Variants in AGBL4 observed in about 807,000 individuals in gnomAD.
The protein encoded by AGBL4 is AGBL carboxypeptidase 4.
AGBL4 carries 58 observed loss-of-function variants against 66.4 expected under a neutral mutation model. That is an observed-to-expected ratio of 0.87 (90% confidence interval 0.71 to 1.09). AGBL4 has a LOEUF of 1.09. Ranked by LOEUF, AGBL4 falls within the 50% of genes least tolerant of loss-of-function variation. The pLI, the probability that AGBL4 is intolerant of heterozygous loss-of-function variation, is 0.00. For synonymous variants in AGBL4, 234 were observed against 222.9 expected (o/e 1.05, Z -0.44); for missense variants, 579 against 631.0 (o/e 0.92, Z 0.88).
chr1:48,781,177 G>A (rs1482775271), intron 6 of AGBL4, among the ~76,000 whole-genome samples: 1 of 152,182 alleles, frequency 6.6e-6, no homozygotes, highest in Non-Finnish European at 1.5e-5. Context: ...AACCCAGAAA[G>A]AGGAAAAGAA....
intron 1 of AGBL4, among the ~76,000 whole-genome samples, chr1:49,937,689 T>C (rs1236970620): frequency 6.6e-6 from 1 of 152,096 alleles, no homozygotes; most frequent in East Asian, 1.9e-4. Flanking sequence ...AAGAATCTCA[T>C]TCAAAACAGC....
At position 49,123,222 on chromosome 1, in the gene AGBL4, T is replaced by A. The variant is rs560286641; in HGVS notation, c.378-77422A>T. Among the ~76,000 whole-genome samples the A allele has an allele frequency of 1.1e-4, 16 of 152,310 alleles. No homozygotes were observed. The South Asian group carries it at 2.5e-3, about 24-fold the overall frequency. On this transcript the variant is annotated intron_variant, in intron 4 of 13. Transcript: ENST00000371839. Reference sequence around the variant, plus strand: ...ATCGTATTATTTGATCTTTACAATATCCATTTGAGGCTATTATTACCTCTA... The same window carrying A: ...ATCGTATTATTTGATCTTTACAATAACCATTTGAGGCTATTATTACCTCTA...
chr1:49,968,203 A>G (rs1657736821), intron 1 of AGBL4, among the ~76,000 whole-genome samples: 1 of 146,580 alleles, frequency 6.8e-6, no homozygotes, highest in African/African-American at 2.5e-5. Context: ...GGCCTGGGCA[A>G]AAAGAGGGAG....
chr1:48,590,427 T>G (rs867024457), intron 10 of AGBL4, among the ~76,000 whole-genome samples: 2 of 121,732 alleles, frequency 1.6e-5, no homozygotes, highest in South Asian at 2.9e-4. Flanking sequence ...AAAAAAAAAT[T>G]AGCCAGTAGC....
intron 5 of AGBL4, among the ~76,000 whole-genome samples, chr1:48,952,154 T>C (rs1327361656): frequency 6.6e-6 from 1 of 152,228 alleles, no homozygotes; most frequent in African/African-American, 2.4e-5. Flanking sequence ...AAGTGCACAA[T>C]GTCTCCAGAA....
intron 3 of AGBL4, among the ~76,000 whole-genome samples, chr1:49,601,472 C>A (rs1571147963): frequency 6.6e-6 from 1 of 151,966 alleles, no homozygotes; most frequent in African/African-American, 2.4e-5. Flanking sequence ...GCTACAGTAA[C>A]CCAAACAGCA....
intron 1 of AGBL4, among the ~76,000 whole-genome samples, chr1:49,868,398 C>T (rs1052060274): frequency 6.6e-6 from 1 of 152,232 alleles, no homozygotes; most frequent in East Asian, 1.9e-4. Context: ...CTAAAGTAAC[C>T]AAAACAGTAT....
chr1:48,949,954 AC>A (rs1409619553), intron 5 of AGBL4, among the ~76,000 whole-genome samples: 1 of 152,112 alleles, frequency 6.6e-6, no homozygotes, highest in Non-Finnish European at 1.5e-5. Context: ...ATAGGTCTGA[AC>A]CTATAGGCAG....
intron 9 of AGBL4, among the ~76,000 whole-genome samples, chr1:48,632,778 G>A (rs1645612703): frequency 1.3e-5 from 2 of 152,212 alleles, no homozygotes; most frequent in South Asian, 2.1e-4. Flanking sequence ...TGTTCTCTTT[G>A]AGAAGGAAGT....
intron 6 of AGBL4, among the ~76,000 whole-genome samples, chr1:48,702,280 T>G (rs910825827): frequency 2.0e-5 from 3 of 151,800 alleles, no homozygotes; most frequent in Non-Finnish European, 2.9e-5. Context: ...TCTTCTTTGT[T>G]TTTTTTTGTT....
chr1:48,862,425 C>A (rs1007393981), intron 6 of AGBL4, among the ~76,000 whole-genome samples: 5 of 152,152 alleles, frequency 3.3e-5, no homozygotes, highest in Non-Finnish European at 1.5e-5. Flanking sequence ...AGGTTCACGC[C>A]ATTCTCCTGC....
chr1:49,937,304 T>C (rs1448971799), intron 1 of AGBL4, among the ~76,000 whole-genome samples: 5 of 151,990 alleles, frequency 3.3e-5, no homozygotes, highest in African/African-American at 1.2e-4. Context: ...CCTAAATATA[T>C]ATGCACCCAA....
chr1:49,519,199 T>C (rs1650066943), intron 3 of AGBL4, among the ~76,000 whole-genome samples: 1 of 152,068 alleles, frequency 6.6e-6, no homozygotes, highest in East Asian at 1.9e-4. Flanking sequence ...GCTATACCAT[T>C]TGATGCCTAT....
intron 1 of AGBL4, among the ~76,000 whole-genome samples, chr1:49,888,853 G>A (rs190160519): frequency 5.9e-5 from 9 of 152,232 alleles, no homozygotes; most frequent in African/African-American, 1.4e-4. Flanking sequence ...AGATGGCCTC[G>A]TAGTATCCAC....
chr1:49,612,717 G>T (rs1263811142), intron 3 of AGBL4, among the ~76,000 whole-genome samples: 1 of 152,130 alleles, frequency 6.6e-6, no homozygotes, highest in Non-Finnish European at 1.5e-5. Flanking sequence ...GTATTAAAAA[G>T]TCATAAAATA....
At chr1:50,006,497 A>C (rs533686370) in intron 1 of AGBL4, among the ~76,000 whole-genome samples, 3 of 152,236 alleles carry the variant, frequency 2.0e-5, no homozygotes, top group African/African-American at 7.2e-5. Flanking sequence ...ATTGTCTCAA[A>C]GCATTTAATA....
intron 2 of AGBL4, chr1:49,842,402 CT>C: frequency 1.4e-6 from 1 of 714,308 alleles, no homozygotes; most frequent in South Asian, 2.3e-5. Context: ...GATGGGAGCC[CT>C]TCAGGGCTGA....
chr1:49,644,048 C>A (rs1354967470), intron 3 of AGBL4, among the ~76,000 whole-genome samples: 2 of 151,398 alleles, frequency 1.3e-5, no homozygotes, highest in East Asian at 3.9e-4. Context: ...ACAAAAATAG[C>A]ACAAAGGATG....
intron 6 of AGBL4, among the ~76,000 whole-genome samples, chr1:48,819,348 G>A: frequency 6.6e-6 from 1 of 152,176 alleles, no homozygotes; most frequent in East Asian, 1.9e-4. Context: ...GCCAGATTCT[G>A]AAGAGCCTTG....
Sources: allele counts gnomAD v4.1 joint callset (sites outside exome capture counted in the v4.1 genomes callset), GRCh38; gene constraint gnomAD v4.1.1; transcripts MANE v1.5; gene names NCBI Gene and HGNC (gene_info 2026-07-23, HGNC 2026-07-21).